The following PHF6 variants were observed in gnomAD, a reference collection of about 807,000 sequenced individuals.
PHF6 encodes the protein PHD finger protein 6.
Under a neutral mutation model 34.0 loss-of-function variants are expected in PHF6, and 7 were observed. That is an observed-to-expected ratio of 0.21 (90% CI 0.12 to 0.39). PHF6 has a LOEUF of 0.39. Among genes scored for constraint, PHF6 ranks in the 10% least tolerant of loss-of-function variants. The probability of loss-of-function intolerance (pLI) is 1.00; values close to 1 mark genes in which losing one functional copy is unlikely to be tolerated. For synonymous variants in PHF6, 89 were observed against 88.4 expected, an observed-to-expected ratio of 1.01 and a Z score of -0.04; for missense variants, 128 against 262.8, an observed-to-expected ratio of 0.49 and a Z score of 3.55.
chrX:134,405,684 C>T (rs867384391), intron 5 of PHF6, among the ~76,000 whole-genome samples: 1 of 110,417 alleles, frequency 9.1e-6, no homozygotes, highest in Non-Finnish European at 1.9e-5. Context: ...TGGATTATTT[C>T]GAAGTAATCC....
chrX:134,409,458 T>TTTTTTCATCTTGTGTATTCTC (rs1381000389), intron 5 of PHF6, among the ~76,000 whole-genome samples: 2 of 111,529 alleles, frequency 1.8e-5, no homozygotes, highest in Non-Finnish European at 3.8e-5. Context: ...TGTGTATTCT[T>TTTTTTCATCTTGTGTATTCTC]TTTTTCATCT....
Position 134,377,637 on chromosome X carries a change from A to G in PHF6, c.20A>G (p.Gln7Arg). 8.3e-7 allele frequency: 1 copy of G among 1,210,760 alleles called. No homozygotes were observed. Among genetic ancestry groups the G allele is most frequent in the Non-Finnish European group, 1.1e-6 (1 of 894,942 alleles). Residue 7 changes from glutamine (Q) to arginine (R), a missense_variant, in exon 2 of 11, where the codon CAG becomes CGG. By Grantham distance (43) the Gln-to-Arg change is conservative (BLOSUM62 1). This residue lies in a region of PHF6 where 97 missense variants were observed against 152.9 expected (regional missense o/e 0.63). Transcript: ENST00000370803. MSSSVE[Q>R]KKGPTRQRKC... is the part of the protein sequence containing the mutation. The stretch of plus-strand genomic sequence containing the variant: ...AAAATCATGTCAAGCTCAGTTGAAC[A>G]GAAAAAAGGGCCTACAAGACAGCGC...
chrX:134,396,799 CAT>C (rs897900837), intron 5 of PHF6, among the ~76,000 whole-genome samples: 1 of 107,537 alleles, frequency 9.3e-6, no homozygotes, highest in African/African-American at 3.4e-5. Flanking sequence ...TAATGGGAAA[CAT>C]ATGTTCTCCT....
intron 7 of PHF6, 61 bp downstream of exon 7, chrX:134,414,027 CCT>C: frequency 8.8e-7 from 1 of 1,134,337 alleles, no homozygotes; most frequent in East Asian, 3.0e-5. Context: ...CTTTGTTTCC[CCT>C]GTGATCTAAA....
chrX:134,390,317 T>C (rs1210510105), intron 3 of PHF6, among the ~76,000 whole-genome samples: 1 of 112,172 alleles, frequency 8.9e-6, no homozygotes, highest in East Asian at 2.8e-4. Context: ...TTCCAACTCC[T>C]AACCTTGTAA....
At chrX:134,392,399 TATG>T (rs961612194) in intron 3 of PHF6, among the ~76,000 whole-genome samples, 2 of 112,251 alleles carry the variant, frequency 1.8e-5, no homozygotes, top group African/African-American at 3.2e-5. Context: ...TACAGTACAT[TATG>T]ATATGTTAAT....
intron 5 of PHF6, among the ~76,000 whole-genome samples, chrX:134,408,671 T>C (rs2077435825): frequency 8.9e-6 from 1 of 112,173 alleles, no homozygotes; most frequent in African/African-American, 3.2e-5. Flanking sequence ...ACAGGTGTTC[T>C]CTATAATATA....
chrX:134,405,309 C>T (rs1401276678), intron 5 of PHF6, among the ~76,000 whole-genome samples: 2 of 111,031 alleles, frequency 1.8e-5, no homozygotes, highest in African/African-American at 6.6e-5. Flanking sequence ...TTCAAGCGAT[C>T]CTCCCACCTC....
chrX:134,414,936 T>A, intron 7 of PHF6, 80 bp from the exon 8 acceptor site: 1 of 768,118 alleles, frequency 1.3e-6, no homozygotes, highest in Non-Finnish European at 1.9e-6. Flanking sequence ...GGAAATTAAA[T>A]ATAACACACT....
At chrX:134,380,574 T>C (rs1255184307) in intron 3 of PHF6, among the ~76,000 whole-genome samples, 2 of 111,726 alleles carry the variant, frequency 1.8e-5, no homozygotes, top group South Asian at 3.7e-4. Context: ...ATTTGTTCCT[T>C]GATCTAGGGA....
chrX:134,394,792 G>A (rs1477839695), intron 5 of PHF6, among the ~76,000 whole-genome samples: 1 of 110,453 alleles, frequency 9.1e-6, no homozygotes, highest in Non-Finnish European at 1.9e-5. Context: ...GCCTGCCTTG[G>A]CCTCCCAAAG....
At chrX:134,416,740 A>C (rs1316105141) in intron 8 of PHF6, among the ~76,000 whole-genome samples, 1 of 112,029 alleles carries the variant, frequency 8.9e-6, no homozygotes. Context: ...CAGCCCCTTT[A>C]GTCTCCCTCT....
chrX:134,407,072 C>T (rs2077428282), intron 5 of PHF6, among the ~76,000 whole-genome samples: 1 of 111,982 alleles, frequency 8.9e-6, no homozygotes, highest in Admixed American at 9.5e-5. Context: ...TATTCACTGA[C>T]ATATATATTT....
chrX:134,402,296 A>G (rs980825115), intron 5 of PHF6, among the ~76,000 whole-genome samples: 4 of 112,541 alleles, frequency 3.6e-5, no homozygotes, highest in Non-Finnish European at 7.5e-5. Context: ...ACCTGGCCAC[A>G]GTTTGCATTA....
chrX:134,411,965 C>T (rs1341962207), intron 5 of PHF6, among the ~76,000 whole-genome samples: 1 of 112,059 alleles, frequency 8.9e-6, no homozygotes, highest in Non-Finnish European at 1.9e-5. Flanking sequence ...AACTCCTGAC[C>T]TCGTGATCTG....
intron 3 of PHF6, among the ~76,000 whole-genome samples, chrX:134,384,931 G>A (rs1026580802): frequency 2.7e-5 from 3 of 111,709 alleles, no homozygotes; most frequent in East Asian, 5.6e-4. Flanking sequence ...GATTACAGGC[G>A]TGAGCCACTG....
intron 5 of PHF6, among the ~76,000 whole-genome samples, chrX:134,394,989 A>C (rs993674507): frequency 1.0e-3 from 107 of 107,177 alleles, no homozygotes; most frequent in African/African-American, 3.5e-3. Context: ...AGTAGCTGGG[A>C]TTACAAGCAC....
chrX:134,393,984 T>G (rs2077365762), intron 5 of PHF6, 32 bp downstream of exon 5: 4 of 1,186,652 alleles, frequency 3.4e-6, no homozygotes, highest in Non-Finnish European at 4.6e-6. Context: ...CAGCCACTTT[T>G]CAGTTTCAAG....
At chrX:134,416,249 C>T (rs1301607574) in intron 8 of PHF6, among the ~76,000 whole-genome samples, 1 of 111,077 alleles carries the variant, frequency 9.0e-6, no homozygotes, top group Admixed American at 9.6e-5. Context: ...CGTGAGCACC[C>T]GGCTAAAAAT....
Sources: allele counts gnomAD v4.1 joint callset (sites outside exome capture counted in the v4.1 genomes callset), GRCh38; gene constraint gnomAD v4.1.1; regional missense constraint gnomAD v4.1.1; transcripts MANE v1.5; gene names NCBI Gene and HGNC (gene_info 2026-07-23, HGNC 2026-07-21).